Variants in ARPC3 observed in about 807,000 individuals in gnomAD.
ARPC3 encodes actin related protein 2/3 complex subunit 3.
A neutral mutation model predicts 27.6 loss-of-function variants in ARPC3; 12 were observed. The ratio of observed to expected loss-of-function variants is 0.43; its 90% CI spans 0.28 to 0.70. The LOEUF (loss-of-function observed/expected upper bound fraction) is 0.70. Ranked by LOEUF, ARPC3 falls within the 30% of genes least tolerant of loss-of-function variation. The pLI, the probability that ARPC3 is intolerant of heterozygous loss-of-function variation, is 0.17. For missense variants in ARPC3, 153 were observed against 207.7 expected, an observed-to-expected ratio of 0.74 and a Z score of 1.62; for synonymous variants, 53 against 67.2, an observed-to-expected ratio of 0.79 and a Z score of 1.03.
chr12:110,444,636 T>G (rs1302537999), intron 2 of ARPC3, among the ~76,000 whole-genome samples: 2 of 152,216 alleles, frequency 1.3e-5, no homozygotes, highest in East Asian at 1.9e-4. Flanking sequence ...GTCTTCTTCC[T>G]TGTTCCTTTT....
At chr12:110,442,647 TA>T (rs1181325291) in intron 2 of ARPC3, 1 of 151,540 alleles carries the variant, frequency 6.6e-6, no homozygotes, top group Non-Finnish European at 1.5e-5. Context: ...TTAAATAAAA[TA>T]AAAAGTATTC....
At chr12:110,443,365 G>C (rs1048590219) in intron 2 of ARPC3, among the ~76,000 whole-genome samples, 2 of 152,096 alleles carry the variant, frequency 1.3e-5, no homozygotes, top group Non-Finnish European at 2.9e-5. Flanking sequence ...TGATCCACCC[G>C]TCTTGGCCTC....
In ARPC3 at chr12:110,450,238, G is replaced by A; in HGVS notation, c.6+17C>T. On this transcript the variant is annotated intron_variant, in intron 1 of 6. Coordinates refer to ENST00000228825, the MANE Select transcript of ARPC3 (RefSeq NM_001278556.2). ...GCAATCCCCGCTGTCTCCCCACACC[G>A]TGGATCGAACCCTCACCGGCATCTT... is the stretch of plus-strand genomic sequence containing the variant. 2 of 1,614,054 alleles carry A rather than the reference G, an allele frequency of 1.2e-6. No individual in the cohort carries two copies. The highest frequency in any genetic ancestry group is 1.3e-5 in the African/African-American group (1 of 75,056).
At chr12:110,449,224 T>C (rs919116306) in intron 1 of ARPC3, among the ~76,000 whole-genome samples, 2 of 152,162 alleles carry the variant, frequency 1.3e-5, no homozygotes, top group Admixed American at 6.6e-5. Context: ...CTGCTGTAAA[T>C]ACAGCCTGGC....
At chr12:110,441,247 C>T (rs936853103) in intron 2 of ARPC3, among the ~76,000 whole-genome samples, 1 of 151,986 alleles carries the variant, frequency 6.6e-6, no homozygotes, top group Non-Finnish European at 1.5e-5. Context: ...ATTCTCCTGC[C>T]TCAGCCTCCC....
At chr12:110,440,832 C>T (rs1422065091) in intron 2 of ARPC3, among the ~76,000 whole-genome samples, 1 of 141,972 alleles carries the variant, frequency 7.0e-6, no homozygotes, top group African/African-American at 2.6e-5. Context: ...AGGCATGAGC[C>T]ACCGTGCCCA....
chr12:110,436,206 T>TA lies in ARPC3; in HGVS notation c.380-3dup. On this transcript the variant is annotated splice_region_variant and splice_polypyrimidine_tract_variant and intron_variant, in intron 5 of 6. Transcript: ENST00000228825. Reference sequence around the variant, plus strand: ...GTTGTAAATAGGCTCTCATCACTTCTAAAACAGAACAATTTAAAAAAAACT... The same window carrying TA: ...GTTGTAAATAGGCTCTCATCACTTCTAAAAACAGAACAATTTAAAAAAAACT... 1 of 1,610,962 alleles carries TA rather than the reference T, an allele frequency of 6.2e-7. No homozygotes were observed. Among genetic ancestry groups the TA allele is most frequent in the Non-Finnish European group, 8.5e-7 (1 of 1,177,288 alleles).
chr12:110,435,324 T>A, intron 6 of ARPC3, 107 bp from the exon 7 acceptor site: 6 of 524,848 alleles, frequency 1.1e-5, no homozygotes, highest in South Asian at 2.7e-5. Context: ...CTTATAAACT[T>A]TTTTTTTTTT....
chr12:110,447,615 A>T (rs903872159), intron 1 of ARPC3, among the ~76,000 whole-genome samples: 9 of 152,128 alleles, frequency 5.9e-5, no homozygotes, highest in Admixed American at 1.3e-4. Flanking sequence ...TCTACTAAAA[A>T]TATCAAAATT....
intron 5 of ARPC3, 40 bp downstream of exon 5, chr12:110,436,517 C>A: frequency 6.2e-7 from 1 of 1,612,980 alleles, no homozygotes; most frequent in Non-Finnish European, 8.5e-7. Flanking sequence ...TGGAGAAAAT[C>A]TTCTTGTGTC....
chr12:110,443,029 T>C (rs531296468), intron 2 of ARPC3: 3 of 152,344 alleles, frequency 2.0e-5, no homozygotes, highest in South Asian at 2.1e-4. Context: ...GAAGCTTTCA[T>C]ACTCTGCAAT....
intron 2 of ARPC3, among the ~76,000 whole-genome samples, chr12:110,441,935 G>A (rs957270022): frequency 6.6e-6 from 1 of 151,526 alleles, no homozygotes; most frequent in Non-Finnish European, 1.5e-5. Flanking sequence ...GGGAGGCTAA[G>A]GCAGGAGAAT....
chr12:110,441,110 TG>T (rs1046873717), intron 2 of ARPC3, among the ~76,000 whole-genome samples: 1 of 152,040 alleles, frequency 6.6e-6, no homozygotes, highest in African/African-American at 2.4e-5. Context: ...CCCAACGTGC[TG>T]GGATCACAGG....
At chr12:110,436,709 T>TACACAC (rs777146647) in intron 4 of ARPC3, 26 bp from the exon 5 acceptor site, 6,529 of 544,118 alleles carry the variant, frequency 0.012, 128 homozygotes, top group African/African-American at 0.017. Flanking sequence ...TATATATATA[T>TACACAC]ATACACACAC....
At chr12:110,438,300 TAAA>T (rs1203578896) in intron 3 of ARPC3, among the ~76,000 whole-genome samples, 2 of 94,824 alleles carry the variant, frequency 2.1e-5, no homozygotes, top group African/African-American at 7.9e-5. Flanking sequence ...TGTCTCGAAT[TAAA>T]AAAAAAAAAA....
At chr12:110,443,518 C>G (rs1461657338) in intron 2 of ARPC3, among the ~76,000 whole-genome samples, 2 of 152,050 alleles carry the variant, frequency 1.3e-5, no homozygotes, top group Non-Finnish European at 2.9e-5. Context: ...GTGCAACCTC[C>G]GCCTCCTGAG....
At chr12:110,439,027 C>T (rs1404412998) in intron 3 of ARPC3, among the ~76,000 whole-genome samples, 2 of 151,942 alleles carry the variant, frequency 1.3e-5, no homozygotes, top group African/African-American at 4.8e-5. Flanking sequence ...TGCTCTGTCG[C>T]CCAGGCTGGG....
At position 110,434,979 on chromosome 12, in the gene ARPC3, C is replaced by G. The variant is rs1169789791; in HGVS notation, c.*176G>C. The G allele has an allele frequency of 2.8e-6, 2 of 714,818 alleles. No individual in the cohort carries two copies. Among genetic ancestry groups the G allele is most frequent in the Middle Eastern group, 2.7e-4 (1 of 3,694 alleles). The allele number at this position is 714,818 out of a possible 1,614,324, so 44.3% of individuals were successfully genotyped here. On this transcript the variant is annotated 3_prime_UTR_variant, in exon 7 of 7. Coordinates refer to ENST00000228825, the MANE Select transcript of ARPC3 (RefSeq NM_001278556.2). ...AATGCTGCAGAAAATTTCAAATCAC[C>G]CTTGATAACCCACTTTCTTTTCTCC...
Position 110,437,133 on chromosome 12 carries a change from A to T in ARPC3, c.203T>A (p.Leu68Ter). 1 of 1,600,424 alleles carries T rather than the reference A, an allele frequency of 6.2e-7. No individual in the cohort carries two copies. The highest frequency in any genetic ancestry group is 8.6e-7 in the Non-Finnish European group (1 of 1,168,610). The change falls in exon 4 of 7, where the codon TTG (leucine) becomes TAG (stop). Residue 68 changes from leucine (L) to a stop codon, truncating the protein, a stop_gained. Coordinates refer to ENST00000228825, the MANE Select transcript of ARPC3 (RefSeq NM_001278556.2). LOFTEE classifies it high-confidence loss of function. ...YEIKNEADRT[L>*]IYITLYISEC... ...AGAAATGTAGAGAGTTATATATATC[A>T]AGGTCCTATCAGCTTCATTCTACAG...
Sources: allele counts gnomAD v4.1 joint callset (sites outside exome capture counted in the v4.1 genomes callset), GRCh38; gene constraint gnomAD v4.1.1; transcripts MANE v1.5; gene names NCBI Gene and HGNC (gene_info 2026-07-23, HGNC 2026-07-21).